SGCG: variants seen among roughly 807,000 people sequenced by gnomAD.
SGCG encodes the protein gamma-sarcoglycan.
In SGCG, 26 loss-of-function variants were observed where a neutral mutation model predicts 29.3. That is an observed-to-expected ratio of 0.89 (90% CI 0.65 to 1.23). SGCG has a LOEUF of 1.23. Ranked by LOEUF, SGCG falls within the 50% of genes most tolerant of loss-of-function variation. The pLI is 0.00. For missense variants in SGCG, 353 were observed against 356.0 expected (o/e 0.99, Z 0.07); for synonymous variants, 145 against 129.7 (o/e 1.12, Z -0.80).
In SGCG at chr13:23,324,588, C is replaced by G; in HGVS notation, c.*47C>G. The G allele has an allele frequency of 1.3e-6, 2 of 1,542,076 alleles. No homozygotes were observed. The highest frequency in any genetic ancestry group is 1.8e-6 in the Non-Finnish European group (2 of 1,124,864). On this transcript the variant is annotated 3_prime_UTR_variant, in exon 8 of 8. Coordinates refer to ENST00000218867, the MANE Select transcript of SGCG (RefSeq NM_000231.3). ...AGCTGTGCAGTGCCGGCCCCAGATC[C>G]TCACACCCAGGGAGCAGCTGCACAT...
intron 2 of SGCG, among the ~76,000 whole-genome samples, chr13:23,225,637 ACCTCGT>A (rs1180436176): frequency 6.6e-6 from 1 of 151,978 alleles, no homozygotes; most frequent in Non-Finnish European, 1.5e-5. Context: ...TTCCATGCTC[ACCTCGT>A]CCTTTCCTTA....
chr13:23,165,528 T>C, the SGCG span, among the ~76,000 whole-genome samples: 1 of 60,744 alleles, frequency 1.6e-5, no homozygotes, highest in East Asian at 1.5e-3. Flanking sequence ...GGAGGCAAAC[T>C]TTTTTTTTTT....
chr13:23,188,024 C>T (rs1194062983), intron 1 of SGCG, among the ~76,000 whole-genome samples: 1 of 152,198 alleles, frequency 6.6e-6, no homozygotes, highest in East Asian at 1.9e-4. Flanking sequence ...ACCAGCAGGT[C>T]CAGCCTGCAG....
intron 2 of SGCG, among the ~76,000 whole-genome samples, chr13:23,225,780 T>TACACACACACACACACACACAC (rs60718653): frequency 1.1e-4 from 16 of 148,664 alleles, no homozygotes; most frequent in African/African-American, 3.7e-4. Context: ...GGACATGTCA[T>TACACACACACACACACACACAC]ACACACACAC....
At chr13:23,273,280 G>T (rs895244427) in intron 4 of SGCG, among the ~76,000 whole-genome samples, 4 of 151,934 alleles carry the variant, frequency 2.6e-5, no homozygotes, top group Admixed American at 1.3e-4. Context: ...CGCCTCCTGG[G>T]TTCAAGCAAT....
chr13:23,254,586 G>A (rs1880105605), intron 4 of SGCG, among the ~76,000 whole-genome samples: 1 of 152,186 alleles, frequency 6.6e-6, no homozygotes, highest in African/African-American at 2.4e-5. Context: ...TTGGCACTGT[G>A]GTAGAGAAAG....
chr13:23,275,620 T>C (rs2137610989), intron 4 of SGCG, among the ~76,000 whole-genome samples: 1 of 152,350 alleles, frequency 6.6e-6, no homozygotes, highest in East Asian at 1.9e-4. Flanking sequence ...ATAGCATAAC[T>C]AGCTTTGTCT....
intron 4 of SGCG, among the ~76,000 whole-genome samples, chr13:23,264,182 T>A (rs564285104): frequency 6.6e-5 from 10 of 152,154 alleles, no homozygotes; most frequent in African/African-American, 2.2e-4. Context: ...TAGAAAACCC[T>A]ACACACTCCT....
At chr13:23,292,178 T>C (rs1216137173) in intron 5 of SGCG, among the ~76,000 whole-genome samples, 3 of 151,790 alleles carry the variant, frequency 2.0e-5, no homozygotes, top group East Asian at 3.9e-4. Context: ...GGTACGATCT[T>C]GGCTCACTGC....
intron 1 of SGCG, among the ~76,000 whole-genome samples, chr13:23,195,790 T>C (rs987121342): frequency 6.6e-6 from 1 of 152,106 alleles, no homozygotes; most frequent in African/African-American, 2.4e-5. Context: ...TAGTGTGCTG[T>C]GCTGAGCAAT....
intron 4 of SGCG, among the ~76,000 whole-genome samples, chr13:23,261,322 A>G (rs959820527): frequency 1.3e-5 from 2 of 152,026 alleles, no homozygotes; most frequent in Admixed American, 1.3e-4. Flanking sequence ...ACCAGTCAGA[A>G]CTTTTGGAAA....
intron 1 of SGCG, among the ~76,000 whole-genome samples, chr13:23,196,063 A>T (rs1371249028): frequency 1.3e-5 from 2 of 152,052 alleles, no homozygotes; most frequent in Non-Finnish European, 2.9e-5. Context: ...TTTAATATGT[A>T]TATATTCTAA....
At chr13:23,314,176 GTATA>G (rs1344869674) in intron 6 of SGCG, among the ~76,000 whole-genome samples, 1 of 135,786 alleles carries the variant, frequency 7.4e-6, no homozygotes, top group African/African-American at 2.5e-5. Context: ...GTTTTGAACA[GTATA>G]TATATATATA....
At chr13:23,202,917 T>C (rs1194756365) in intron 1 of SGCG, among the ~76,000 whole-genome samples, 1 of 152,188 alleles carries the variant, frequency 6.6e-6, no homozygotes, top group Non-Finnish European at 1.5e-5. Flanking sequence ...ACTTCTGTTA[T>C]TTGTATAAAG....
intron 4 of SGCG, among the ~76,000 whole-genome samples, chr13:23,270,898 A>G (rs115000981): frequency 3.1e-4 from 47 of 152,256 alleles, no homozygotes; most frequent in African/African-American, 1.1e-3. Context: ...TATCTTTTCT[A>G]AGTTGTTATC....
In SGCG at chr13:23,324,805, C is replaced by A; in HGVS notation, c.*264C>A. ...GGATTAATTTTCACCGGAACAATTG[C>A]GAATTCTCTCTGCCTCGCCTCCCCC... On this transcript the variant is annotated 3_prime_UTR_variant, in exon 8 of 8. Transcript: ENST00000218867. The A allele has an allele frequency of 2.2e-6, 1 of 458,414 alleles. No individual in the cohort carries two copies. The highest frequency in any genetic ancestry group is 6.5e-4 in the Middle Eastern group (1 of 1,544). The allele number at this position is 458,414 out of a possible 1,614,324, so 28.4% of individuals were successfully genotyped here. A position where few individuals can be genotyped will look rare whatever the true frequency, so the allele number is the denominator to read the frequency against.
At chr13:23,226,046 TCAGG>T (rs1346369647) in intron 2 of SGCG, among the ~76,000 whole-genome samples, 1 of 152,086 alleles carries the variant, frequency 6.6e-6, no homozygotes, top group East Asian at 1.9e-4. Flanking sequence ...ACCCTCTCCT[TCAGG>T]CAGATGCCCT....
rs573201663 is a variant in SGCG, at chr13:23,273,200, T to C, written c.386-6159T>C. 1.6e-3 allele frequency among the ~76,000 whole-genome samples: 224 copies of C among 138,360 alleles called. 2 individuals carry two copies. The highest frequency in any genetic ancestry group is 2.4e-3 in the Non-Finnish European group (150 of 62,100). 90.8% of individuals were successfully genotyped at this position (138,360 alleles called of 152,430 possible). A position where few individuals can be genotyped will look rare whatever the true frequency, so the allele number is the denominator to read the frequency against. On this transcript the variant is annotated intron_variant, in intron 4 of 7. Transcript: ENST00000218867. ...CGAACTTAGTTCTTTTTTTTTTTTT[T>C]CTAAACAGAATTTTCGCTGTGTTGC...
At chr13:23,191,900 T>C (rs1331878691) in intron 1 of SGCG, among the ~76,000 whole-genome samples, 4 of 152,058 alleles carry the variant, frequency 2.6e-5, no homozygotes, top group African/African-American at 9.7e-5. Flanking sequence ...AAGAGGGAAG[T>C]GTCGGCCGGG....
Sources: allele counts gnomAD v4.1 joint callset (sites outside exome capture counted in the v4.1 genomes callset), GRCh38; gene constraint gnomAD v4.1.1; transcripts MANE v1.5; gene names NCBI Gene and HGNC (gene_info 2026-07-23, HGNC 2026-07-21).